Variants in FAXC observed in about 807,000 individuals in gnomAD.
FAXC encodes failed axon connections homolog, metaxin like GST domain containing.
FAXC carries 10 observed loss-of-function variants against 41.9 expected under a neutral mutation model. The ratio of observed to expected loss-of-function variants is 0.24; its 90% confidence interval spans 0.15 to 0.41. The LOEUF (loss-of-function observed/expected upper bound fraction) is 0.41. Ranked by LOEUF, FAXC falls within the 10% of genes least tolerant of loss-of-function variation. The pLI is 1.00. For synonymous variants in FAXC, 183 were observed against 183.8 expected, an observed-to-expected ratio of 1.00 and a Z score of 0.03; for missense variants, 399 against 510.9, an observed-to-expected ratio of 0.78 and a Z score of 2.11.
intron 5 of FAXC, among the ~76,000 whole-genome samples, chr6:99,284,817 C>G (rs150096097): frequency 0.046 from 7,005 of 151,284 alleles, 196 homozygotes; most frequent in Non-Finnish European, 0.06. Context: ...GGGAGGCTGA[C>G]GCAGGAGAAT....
intron 3 of FAXC, among the ~76,000 whole-genome samples, chr6:99,328,522 C>T (rs1270233471): frequency 1.3e-5 from 2 of 152,192 alleles, no homozygotes; most frequent in African/African-American, 4.8e-5. Flanking sequence ...GCCACCCAGT[C>T]AAAAGTATTC....
chr6:99,307,449 G>A (rs1045466027), intron 4 of FAXC, among the ~76,000 whole-genome samples: 6 of 152,176 alleles, frequency 3.9e-5, no homozygotes, highest in African/African-American at 9.7e-5. Context: ...CTGGGGCACC[G>A]ATGGGGGATA....
chr6:99,293,881 G>A (rs1301922003), intron 4 of FAXC, among the ~76,000 whole-genome samples: 2 of 152,022 alleles, frequency 1.3e-5, no homozygotes, highest in African/African-American at 2.4e-5. Flanking sequence ...CCCTTTCACC[G>A]TTCTTGAGTG....
intron 4 of FAXC, among the ~76,000 whole-genome samples, chr6:99,318,258 C>CAAAA (rs200059358): frequency 1.1e-4 from 9 of 79,214 alleles, no homozygotes; most frequent in African/African-American, 3.6e-4. Flanking sequence ...GACTCCGTCT[C>CAAAA]AAACACACAC....
intron 4 of FAXC, among the ~76,000 whole-genome samples, chr6:99,315,256 AAAAAAAC>A (rs1275088860): frequency 2.9e-5 from 4 of 135,788 alleles, no homozygotes; most frequent in South Asian, 2.5e-4. Context: ...AAAAAAAAAA[AAAAAAAC>A]CAGTAAATGT....
chr6:99,289,689 ATGTG>A (rs58098982), intron 5 of FAXC, among the ~76,000 whole-genome samples: 46,254 of 146,420 alleles, frequency 0.32, 7,262 homozygotes, highest in East Asian at 0.52. Flanking sequence ...ACATATGTAT[ATGTG>A]TGTGTGTGTG....
intron 2 of FAXC, among the ~76,000 whole-genome samples, chr6:99,335,011 T>C (rs1413751056): frequency 6.6e-6 from 1 of 152,194 alleles, no homozygotes; most frequent in Non-Finnish European, 1.5e-5. Context: ...TAAAGTCCTA[T>C]ATCCATGCTT....
rs891101492 is a variant in FAXC, at chr6:99,344,414, A to C, written c.267-1381T>G. On this transcript the variant is annotated intron_variant, in intron 1 of 5. Coordinates refer to ENST00000389677, the MANE Select transcript of FAXC (RefSeq NM_032511.4). ...GTTCCCTCGCATTGTTCCCAGTACA[A>C]CACCACACCCCCTTCTTTCTACCTA... Among the ~76,000 whole-genome samples the C allele has an allele frequency of 9.9e-5, 15 of 152,138 alleles. No individual in the cohort carries two copies. The South Asian group carries it at 1.2e-3, about 13-fold the overall frequency.
chr6:99,293,714 CTGTGTGTGTGTGTG>C (rs72463794), intron 4 of FAXC, among the ~76,000 whole-genome samples: 2 of 64,112 alleles, frequency 3.1e-5, no homozygotes, highest in Admixed American at 1.6e-4. Flanking sequence ...GTGTGTGTGT[CTGTGTGTGTGTGTG>C]TGTGTGTGCA....
chr6:99,272,144 A>G lies in FAXC; in HGVS notation c.*9020T>C, dbSNP rs1274559202. ...AGAGGTATGAAAACTAATTGAGACT[A>G]TATGTGTGTGTGTGTGTGTGTGTGT... is the stretch of plus-strand genomic sequence containing the variant. On this transcript the variant is annotated 3_prime_UTR_variant, in exon 6 of 6. Coordinates refer to ENST00000389677, the MANE Select transcript of FAXC (RefSeq NM_032511.4). 1.2e-4 allele frequency: 5 copies of G among 41,390 alleles called. No individual in the cohort carries two copies. Among genetic ancestry groups the G allele is most frequent in the African/African-American group, 6.4e-4 (5 of 7,790 alleles). The allele number at this position is 41,390 out of a possible 1,614,324, so 2.6% of individuals were successfully genotyped here.
In FAXC at chr6:99,273,490, A is replaced by C. The variant is rs1168919579; in HGVS notation, c.*7674T>G. On this transcript the variant is annotated 3_prime_UTR_variant, in exon 6 of 6. Transcript: ENST00000389677. ...CCTACTTTCTTTTCTTGTTTTGCTT[A>C]CCTCAGTGTGTTGTTAAATCTTTCT... The C allele has an allele frequency of 6.7e-6, 1 of 149,560 alleles. No homozygotes were observed. Among genetic ancestry groups the C allele is most frequent in the African/African-American group, 2.5e-5 (1 of 40,382 alleles). 9.3% of individuals were successfully genotyped at this position (149,560 alleles called of 1,614,324 possible). A position where few individuals can be genotyped will look rare whatever the true frequency, so the allele number is the denominator to read the frequency against.
At chr6:99,299,628 A>G (rs1237519295) in intron 4 of FAXC, among the ~76,000 whole-genome samples, 4 of 152,346 alleles carry the variant, frequency 2.6e-5, no homozygotes, top group South Asian at 2.1e-4. Flanking sequence ...TTTCCCAATG[A>G]AACAGGAGGT....
At chr6:99,347,022 G>A (rs906674850) in intron 1 of FAXC, among the ~76,000 whole-genome samples, 35 of 152,084 alleles carry the variant, frequency 2.3e-4, no homozygotes, top group African/African-American at 8.5e-4. Context: ...AACACTTTGG[G>A]AGGCCAAGGA....
chr6:99,308,868 T>G (rs1772041972), intron 4 of FAXC, among the ~76,000 whole-genome samples: 1 of 152,224 alleles, frequency 6.6e-6, no homozygotes, highest in South Asian at 2.1e-4. Context: ...TAACTACTTT[T>G]TTTCCAATTT....
At chr6:99,314,651 G>C (rs997492660) in intron 4 of FAXC, among the ~76,000 whole-genome samples, 4 of 152,130 alleles carry the variant, frequency 2.6e-5, no homozygotes, top group Non-Finnish European at 5.9e-5. Flanking sequence ...ACCTCTGCTG[G>C]TTTCCACTGC....
In FAXC at chr6:99,343,067, C is replaced by T. The variant is rs149867322; in HGVS notation, c.267-34G>A. ...ACCAAAACAGAAATAAAGTACAATC[C>T]ACATGTTATCCACATTCGGTTCCCT... On this transcript the variant is annotated intron_variant, in intron 1 of 5. Coordinates refer to ENST00000389677, the MANE Select transcript of FAXC (RefSeq NM_032511.4). 1.8e-3 allele frequency: 2,786 copies of T among 1,568,356 alleles called. 2 individuals are homozygous for T. The highest frequency in any genetic ancestry group is 4.3e-3 in the Admixed American group (220 of 51,684).
At chr6:99,295,633 T>C (rs1216478589) in intron 4 of FAXC, among the ~76,000 whole-genome samples, 1 of 152,212 alleles carries the variant, frequency 6.6e-6, no homozygotes, top group Non-Finnish European at 1.5e-5. Context: ...CATAATTGTG[T>C]GAGCCAACTC....
rs1354245196 is a variant in FAXC at position 99,278,010 on chromosome 6, A to G, written c.*3154T>C. ...TATGTCTGTTCCTTGAACCTTAGCTATTTCACAAAAATATACCCTAACACC... is the reference window on the plus strand; with the variant it reads ...TATGTCTGTTCCTTGAACCTTAGCTGTTTCACAAAAATATACCCTAACACC... On this transcript the variant is annotated 3_prime_UTR_variant, in exon 6 of 6. Transcript: ENST00000389677. 6.6e-6 allele frequency: 1 copy of G among 152,146 alleles called. No individual in the cohort carries two copies. Among genetic ancestry groups the G allele is most frequent in the African/African-American group, 2.4e-5 (1 of 41,424 alleles). 9.4% of individuals were successfully genotyped at this position (152,146 alleles called of 1,614,324 possible). A position where few individuals can be genotyped will look rare whatever the true frequency, so the allele number is the denominator to read the frequency against.
At chr6:99,298,107 T>C (rs188405632) in intron 4 of FAXC, among the ~76,000 whole-genome samples, 1 of 152,328 alleles carries the variant, frequency 6.6e-6, no homozygotes, top group East Asian at 1.9e-4. Flanking sequence ...CTGCAGTTCT[T>C]GGACCAGACT....
Sources: gnomAD v4.1 joint callset for allele counts (sites outside exome capture counted in the v4.1 genomes callset) on GRCh38, gnomAD v4.1.1 for gene constraint, MANE v1.5 for transcripts, NCBI Gene and HGNC (gene_info 2026-07-23, HGNC 2026-07-21) for gene names.